The following ZXDC variants were observed in gnomAD, a reference collection of about 807,000 sequenced individuals.
ZXDC encodes zinc finger protein ZXDC.
A neutral mutation model predicts 63.6 loss-of-function variants in ZXDC; 58 were observed. The observed-to-expected ratio is 0.91, with a 90% CI of 0.74 to 1.13. The LOEUF is 1.13. Ranked by LOEUF, ZXDC falls within the 50% of genes most tolerant of loss-of-function variation. The pLI, the probability that ZXDC is intolerant of heterozygous loss-of-function variation, is 0.00. For synonymous variants in ZXDC, 561 were observed against 496.1 expected (o/e 1.13, Z -1.74); for missense variants, 1,133 against 1,148.9 (o/e 0.99, Z 0.20).
In ZXDC at chr3:126,474,981, G is replaced by C. The variant is rs776554911; in HGVS notation, c.885C>G (p.Arg295=). Residue 295 remains arginine (R), a synonymous_variant, in exon 1 of 10, where the codon CGC becomes CGG. Transcript: ENST00000389709. ...SHQRSHFEPE[R]PYKCDFPGCE... ...TACCGGGAAAGTCACACTTGTAAGG[G>C]CGCTCGGGCTCGAAGTGGCTGCGCT... 6.3e-7 allele frequency: 1 copy of C among 1,588,214 alleles called. No individual in the cohort carries two copies. The highest frequency in any genetic ancestry group is 1.3e-5 in the African/African-American group (1 of 74,700).
In ZXDC at chr3:126,475,048, C is replaced by G; in HGVS notation, c.818G>C (p.Cys273Ser). Reference sequence around the variant, plus strand: ...GGCGTGCGTGGGGAAGCGCTCGGCGCACACCTCGCACTTGAACAGGCTCTC... The same window carrying G: ...GGCGTGCGTGGGGAAGCGCTCGGCGGACACCTCGCACTTGAACAGGCTCTC... ...EQESLFKCEV[C>S]AERFPTHAKL... Residue 273 changes from cysteine (C) to serine (S), a missense_variant, in exon 1 of 10, where the codon TGC (cysteine) becomes TCC (serine). By Grantham distance (112) the Cys-to-Ser change is moderately radical. Coordinates refer to ENST00000389709, the MANE Select transcript of ZXDC (RefSeq NM_025112.5). The G allele has an allele frequency of 6.2e-7, 1 of 1,601,960 alleles. No homozygotes were observed. The highest frequency in any genetic ancestry group is 8.5e-7 in the Non-Finnish European group (1 of 1,174,516).
chr3:126,452,915 T>G, intron 7 of ZXDC: 9 of 621,486 alleles, frequency 1.4e-5, no homozygotes, highest in Non-Finnish European at 1.8e-5. Flanking sequence ...ATTATTATTT[T>G]TTTTACAGAT....
intron 7 of ZXDC, among the ~76,000 whole-genome samples, chr3:126,446,998 G>A (rs1466337446): frequency 6.6e-6 from 1 of 152,204 alleles, no homozygotes; most frequent in African/African-American, 2.4e-5. Flanking sequence ...TGCCTGTGCT[G>A]AGTGCTCACC....
chr3:126,457,683 C>T (rs575405666), intron 7 of ZXDC: 10 of 980,402 alleles, frequency 1.0e-5, no homozygotes, highest in African/African-American at 7.0e-5. Flanking sequence ...CGAGAAGCTG[C>T]GCTTTATAGA....
At chr3:126,457,737 A>C in intron 7 of ZXDC, 4 of 827,852 alleles carry the variant, frequency 4.8e-6, no homozygotes, top group Non-Finnish European at 5.8e-6. Flanking sequence ...GATTTAGAGT[A>C]CCACCGTTTA....
intron 7 of ZXDC, chr3:126,458,917 A>G (rs987319947): frequency 9.5e-5 from 94 of 984,496 alleles, no homozygotes; most frequent in Non-Finnish European, 1.1e-4. Context: ...GAAAACCGGC[A>G]ATTGTTATTT....
intron 7 of ZXDC, among the ~76,000 whole-genome samples, chr3:126,444,148 G>A (rs974372897): frequency 9.9e-5 from 15 of 152,226 alleles, no homozygotes; most frequent in African/African-American, 3.6e-4. Context: ...GGCCGGTGCT[G>A]CAGCCAGAAC....
intron 7 of ZXDC, chr3:126,454,318 C>T (rs1484000094): frequency 3.1e-5 from 31 of 984,374 alleles, no homozygotes; most frequent in East Asian, 1.1e-4. Flanking sequence ...TGATATTATA[C>T]GTTTTCAAAT....
At chr3:126,458,237 CTTT>C (rs11289191) in intron 7 of ZXDC, among the ~76,000 whole-genome samples, 31 of 115,994 alleles carry the variant, frequency 2.7e-4, no homozygotes, top group Admixed American at 2.6e-4. Flanking sequence ...AATGTCCTTA[CTTT>C]TTTTTTTTTT....
chr3:126,472,290 A>G lies in ZXDC; in HGVS notation c.923T>C (p.Phe308Ser). The G allele has an allele frequency of 6.2e-7, 1 of 1,609,182 alleles. No homozygotes were observed. The highest frequency in any genetic ancestry group is 1.3e-5 in the African/African-American group (1 of 74,998). Residue 308 changes from phenylalanine to serine, a missense_variant, in exon 2 of 10, where the codon TTT (phenylalanine) becomes TCT (serine). By Grantham distance (155) the Phe-to-Ser change is radical. Transcript: ENST00000389709. ...GGAAAACAGGGCACTCACTGTGATA[A>G]ATGTCTTCTCACAGCCTGAACAAGG... The part of the protein sequence containing the change: ...KCDFPGCEKT[F>S]ITVSALFSHN...
intron 1 of ZXDC, 114 bp from the exon 2 acceptor site, chr3:126,472,419 T>A: frequency 7.5e-7 from 1 of 1,325,714 alleles, no homozygotes; most frequent in Non-Finnish European, 1.0e-6. Context: ...AGGGAAAACA[T>A]GACTCAGAAG....
At chr3:126,460,472 GGTCTTGCTGGCT>G (rs1240323589) in intron 6 of ZXDC, 1 of 985,282 alleles carries the variant, frequency 1.0e-6, no homozygotes, top group African/African-American at 1.7e-5. Flanking sequence ...TTAAGACCAA[GGTCTTGCTGGCT>G]TCTCTACCTC....
intron 7 of ZXDC, chr3:126,442,260 C>G (rs1415229417): frequency 2.1e-5 from 4 of 187,884 alleles, no homozygotes. Flanking sequence ...CCAGCAGCTG[C>G]TGGCTGGCAG....
intron 7 of ZXDC, chr3:126,451,143 A>G (rs1934086156): frequency 1.0e-6 from 1 of 985,336 alleles, no homozygotes. Flanking sequence ...CTCCATCTTC[A>G]TGTTTTAATT....
At chr3:126,449,530 C>T (rs1416212444) in intron 7 of ZXDC, among the ~76,000 whole-genome samples, 1 of 152,248 alleles carries the variant, frequency 6.6e-6, no homozygotes, top group African/African-American at 2.4e-5. Flanking sequence ...GGAGCCACAC[C>T]TCACCTGGCG....
At chr3:126,456,838 A>T (rs923516918) in intron 7 of ZXDC, among the ~76,000 whole-genome samples, 3 of 152,212 alleles carry the variant, frequency 2.0e-5, no homozygotes, top group African/African-American at 7.2e-5. Context: ...AAAAACAAGA[A>T]GTTGATGGTG....
rs369935269 is a variant in ZXDC, at chr3:126,464,415, T to C, written c.1441+1740A>G. Among the ~76,000 whole-genome samples the C allele has an allele frequency of 1.1e-3, 168 of 152,204 alleles. 2 individuals are homozygous for C. The highest frequency in any genetic ancestry group is 6.8e-3 in the Middle Eastern group (2 of 294). ...CCATTAGGGGGACTGAAACAACCCA[T>C]TGAGGGCGTGACATAATCCCACGGT... On this transcript the variant is annotated intron_variant, in intron 5 of 9. Transcript: ENST00000389709.
chr3:126,444,710 T>C (rs1485604169), intron 7 of ZXDC, among the ~76,000 whole-genome samples: 1 of 152,210 alleles, frequency 6.6e-6, no homozygotes, highest in East Asian at 1.9e-4. Context: ...TCATCATGAT[T>C]CAATGCCAAA....
rs1180273796 is a variant in ZXDC at position 126,440,508 on chromosome 3, T to A, written c.2395-781A>T. The A allele has an allele frequency of 9.1e-6, 9 of 985,566 alleles. No homozygotes were observed. In the East Asian group the frequency reaches 9.1e-4, roughly 99 times the overall value. 61.1% of individuals were successfully genotyped at this position (985,566 alleles called of 1,614,324 possible). ...AGGCATCTCTTAAAAGTATACCCCC[T>A]ACTTGCTCCTGTTCTGCCGGTGGCA... is the stretch of plus-strand genomic sequence containing the variant. On this transcript the variant is annotated intron_variant, in intron 8 of 9. Transcript: ENST00000389709.
Sources: gnomAD v4.1 joint callset for allele counts (sites outside exome capture counted in the v4.1 genomes callset) on GRCh38, gnomAD v4.1.1 for gene constraint, MANE v1.5 for transcripts, NCBI Gene and HGNC (gene_info 2026-07-23, HGNC 2026-07-21) for gene names.